Variants in TAGLN3 observed in about 807,000 individuals in gnomAD.
TAGLN3 encodes transgelin-3.
In TAGLN3, 12 loss-of-function variants were observed where a neutral mutation model predicts 25.4. The ratio of observed to expected loss-of-function variants is 0.47; its 90% CI spans 0.30 to 0.77. The LOEUF is 0.77. Ranked by LOEUF, TAGLN3 falls within the 30% of genes least tolerant of loss-of-function variation. The pLI is 0.06. For synonymous variants in TAGLN3, 96 were observed against 94.8 expected, an observed-to-expected ratio of 1.01 and a Z score of -0.08; for missense variants, 218 against 255.8, an observed-to-expected ratio of 0.85 and a Z score of 1.01.
intron 3 of TAGLN3, among the ~76,000 whole-genome samples, chr3:112,009,322 A>T (rs576609605): frequency 6.6e-6 from 1 of 152,338 alleles, no homozygotes; most frequent in East Asian, 1.9e-4. Flanking sequence ...AGAAACCTAG[A>T]CAAAAACACT....
intron 2 of TAGLN3, 149 bp downstream of exon 2, chr3:111,999,751 G>C (rs537560479): frequency 6.7e-5 from 74 of 1,109,784 alleles, no homozygotes; most frequent in African/African-American, 1.6e-4. Context: ...ATTTCTTCAG[G>C]GTTGGAAGAT....
At chr3:111,999,324 A>G (rs992479752) in intron 1 of TAGLN3, 97 bp from the exon 2 acceptor site, 1 of 1,396,112 alleles carries the variant, frequency 7.2e-7, no homozygotes, top group Non-Finnish European at 9.6e-7. Context: ...CTGCTGGGCC[A>G]GGTTGCCCAG....
intron 3 of TAGLN3, 43 bp downstream of exon 3, chr3:112,000,989 C>T: frequency 6.3e-7 from 1 of 1,576,428 alleles, no homozygotes; most frequent in Non-Finnish European, 8.7e-7. Context: ...TTTCTTCTCT[C>T]CTTTGCCCCA....
At chr3:112,004,179 A>G (rs1278462815) in intron 3 of TAGLN3, among the ~76,000 whole-genome samples, 1 of 149,894 alleles carries the variant, frequency 6.7e-6, no homozygotes, top group Non-Finnish European at 1.5e-5. Context: ...GAGGAATGGA[A>G]GGGGCCTGGG....
Position 112,013,511 on chromosome 3 carries a change from C to A in TAGLN3, c.560C>A (p.Ala187Glu), listed in dbSNP as rs370397880. 1 of 1,614,198 alleles carries A rather than the reference C, an allele frequency of 6.2e-7. No individual in the cohort carries two copies. Among genetic ancestry groups the A allele is most frequent in the Non-Finnish European group, 8.5e-7 (1 of 1,180,020 alleles). ...QMGSNKGASQ[A>E]GMTGYGMPRQ... ...GGCAGCAACAAGGGAGCCTCCCAGG[C>A]GGGCATGACAGGGTACGGGATGCCC... Residue 187 changes from alanine (A) to glutamate (E), a missense_variant, in exon 5 of 5, where the codon GCG (alanine) becomes GAG (glutamate). Transcript: ENST00000478951.
Position 112,013,440 on chromosome 3 carries a change from C to T in TAGLN3, c.489C>T (p.Ser163=), listed in dbSNP as rs891153112. The T allele has an allele frequency of 1.9e-6, 3 of 1,613,644 alleles. No homozygotes were observed. The highest frequency in any genetic ancestry group is 1.7e-5 in the Admixed American group (1 of 59,986). ...CCCAGCAGAATCGGAGAGGCTTTTC[C>T]GAGGAGCAGCTTCGCCAGGGACAGA... The part of the protein sequence containing the change: ...RKAQQNRRGF[S]EEQLRQGQNV... The change falls in exon 5 of 5, where the codon TCC becomes TCT. Residue 163 remains serine, a synonymous_variant. Coordinates refer to ENST00000478951, the MANE Select transcript of TAGLN3 (RefSeq NM_001008272.2).
chr3:112,005,304 T>C (rs1418422182), intron 3 of TAGLN3, among the ~76,000 whole-genome samples: 1 of 152,230 alleles, frequency 6.6e-6, no homozygotes, highest in African/African-American at 2.4e-5. Context: ...CTATTAGTCA[T>C]TCAGCAACTG....
At chr3:112,000,510 G>C in intron 2 of TAGLN3, 1 of 356,432 alleles carries the variant, frequency 2.8e-6, no homozygotes. Flanking sequence ...AAAAGGAAGG[G>C]AGGAACAGGG....
intron 1 of TAGLN3, 36 bp from the exon 2 acceptor site, chr3:111,999,385 T>C: frequency 6.2e-7 from 1 of 1,606,068 alleles, no homozygotes; most frequent in Non-Finnish European, 8.5e-7. Context: ...CTGCTGCTAT[T>C]GTGTGGATGC....
chr3:112,013,636 CCTT>C lies in TAGLN3; in HGVS notation c.*88_*90del, dbSNP rs755877655. The C allele has an allele frequency of 8.2e-6, 13 of 1,583,640 alleles. No individual in the cohort carries two copies. Among genetic ancestry groups the C allele is most frequent in the East Asian group, 6.9e-5 (3 of 43,782 alleles). On this transcript the variant is annotated 3_prime_UTR_variant, in exon 5 of 5. Coordinates refer to ENST00000478951, the MANE Select transcript of TAGLN3 (RefSeq NM_001008272.2). Reference sequence around the variant, plus strand: ...AAAGAAATAGTTAGTCACCTTCTGACCTTCTCCTCTTTCTCAAAGCCTTCTGTC... The same window carrying C: ...AAAGAAATAGTTAGTCACCTTCTGACCTCCTCTTTCTCAAAGCCTTCTGTC...
rs551092392 is a variant in TAGLN3, at chr3:112,000,358, A to G, written c.181-414A>G. On this transcript the variant is annotated intron_variant, in intron 2 of 4. Transcript: ENST00000478951. ...AAGCCTGCTTAATTTGCCTTTTGAT[A>G]GAAGAAATAATATTAGACTCTATCA... Among the ~76,000 whole-genome samples, 7 of 152,326 alleles carry G rather than the reference A, an allele frequency of 4.6e-5. No homozygotes were observed. The South Asian group carries it at 1.2e-3, about 27-fold the overall frequency.
rs35978996 is a variant in TAGLN3, at chr3:111,999,599, G to C, written c.177G>C (p.Gly59=). The C allele has an allele frequency of 0.016, 25,644 of 1,613,156 alleles. 302 individuals are homozygous for C. The highest frequency in any genetic ancestry group is 0.039 in the South Asian group (3,513 of 91,040). The change falls in exon 2 of 5, where the codon GGG becomes GGC. Residue 59 remains glycine, a synonymous_variant. Transcript: ENST00000478951. ...ATTTTCAGAAATGGTTAATGGACGG[G>C]ACGGTAAGGCCGGCAGCGATCTCGG... is the stretch of plus-strand genomic sequence containing the variant. The part of the protein sequence containing the change: ...RAHFQKWLMD[G]TVLCKLINSL...
At position 111,999,440 on chromosome 3, in the gene TAGLN3, G is replaced by T; in HGVS notation, c.18G>T (p.Pro6=). The stretch of plus-strand genomic sequence containing the variant: ...TTCCAGAGATGGCTAACAGGGGCCC[G>T]AGCTATGGCTTAAGCCGAGAGGTGC... The part of the protein sequence containing the change: MANRG[P]SYGLSREVQE... Residue 6 remains proline (P), a synonymous_variant, in exon 2 of 5, where the codon CCG becomes CCT. Transcript: ENST00000478951. 6.2e-7 allele frequency: 1 copy of T among 1,614,120 alleles called. No homozygotes were observed. The highest frequency in any genetic ancestry group is 8.5e-7 in the Non-Finnish European group (1 of 1,179,976).
At position 112,000,926 on chromosome 3, in the gene TAGLN3, A is replaced by AGAC; in HGVS notation, c.337_339dup (p.Thr113dup). The AGAC allele has an allele frequency of 6.2e-7, 1 of 1,614,092 alleles. No individual in the cohort carries two copies. Among genetic ancestry groups the AGAC allele is most frequent in the Non-Finnish European group, 8.5e-7 (1 of 1,180,002 alleles). ...GGTGTCAGAACCACCGACATCTTTC[A>AGAC]GACGGTGGATCTATGGGAAGGTAAA... On this transcript the variant is annotated inframe_insertion, in exon 3 of 5. Coordinates refer to ENST00000478951, the MANE Select transcript of TAGLN3 (RefSeq NM_001008272.2).
chr3:112,009,559 G>A (rs1208570184), intron 3 of TAGLN3, among the ~76,000 whole-genome samples: 1 of 152,172 alleles, frequency 6.6e-6, no homozygotes, highest in East Asian at 1.9e-4. Context: ...TTGTTCAAGG[G>A]CTTTACATTC....
intron 3 of TAGLN3, among the ~76,000 whole-genome samples, chr3:112,003,151 T>C (rs1416500535): frequency 6.6e-6 from 1 of 152,066 alleles, no homozygotes; most frequent in Non-Finnish European, 1.5e-5. Context: ...GAGCTGTCAA[T>C]AGGAAAGCAG....
intron 4 of TAGLN3, 82 bp from the exon 5 acceptor site, chr3:112,013,316 GGGGACCCCCAGC>G: frequency 6.7e-7 from 1 of 1,483,908 alleles, no homozygotes; most frequent in Non-Finnish European, 9.0e-7. Context: ...TGATCTATTT[GGGGACCCCCAGC>G]AGAGCCTGTC....
intron 4 of TAGLN3, among the ~76,000 whole-genome samples, chr3:112,012,985 G>T (rs941528790): frequency 1.3e-5 from 2 of 152,204 alleles, no homozygotes; most frequent in African/African-American, 4.8e-5. Flanking sequence ...AGAAGAAGCA[G>T]GCTTCTTCTT....
chr3:112,005,588 G>C (rs1338713087), intron 3 of TAGLN3, among the ~76,000 whole-genome samples: 1 of 152,070 alleles, frequency 6.6e-6, no homozygotes, highest in Non-Finnish European at 1.5e-5. Context: ...CAGCAAGAGT[G>C]AAGAGGTATT....
Sources: allele counts gnomAD v4.1 joint callset (sites outside exome capture counted in the v4.1 genomes callset), GRCh38; gene constraint gnomAD v4.1.1; transcripts MANE v1.5; gene names NCBI Gene and HGNC (gene_info 2026-07-23, HGNC 2026-07-21).